LUZP2: variants seen among roughly 807,000 people sequenced by gnomAD.
LUZP2 encodes leucine zipper protein 2.
Under a neutral mutation model 51.6 loss-of-function variants are expected in LUZP2, and 52 were observed. The ratio of observed to expected loss-of-function variants is 1.01; its 90% confidence interval spans 0.81 to 1.27. The LOEUF (loss-of-function observed/expected upper bound fraction) is 1.27. Among genes scored for constraint, LUZP2 ranks in the 50% most tolerant of loss-of-function variants. LUZP2 has a pLI of 0.00. For missense variants in LUZP2, 436 were observed against 395.4 expected (o/e 1.10, Z -0.87); for synonymous variants, 154 against 137.3 (o/e 1.12, Z -0.85).
At chr11:24,721,008 C>G (rs771140005) in intron 1 of LUZP2, among the ~76,000 whole-genome samples, 2 of 152,152 alleles carry the variant, frequency 1.3e-5, no homozygotes, top group Non-Finnish European at 2.9e-5. Context: ...CTGAAAAAGC[C>G]TGAGTTGAAG....
chr11:24,587,506 A>G (rs544857765), intron 1 of LUZP2, among the ~76,000 whole-genome samples: 16 of 152,266 alleles, frequency 1.1e-4, no homozygotes, highest in Non-Finnish European at 1.8e-4. Context: ...AAAGTTTGTG[A>G]TCAGCCTATG....
intron 1 of LUZP2, among the ~76,000 whole-genome samples, chr11:24,551,045 A>G (rs1387986458): frequency 4.6e-5 from 7 of 152,104 alleles, no homozygotes; most frequent in Admixed American, 4.6e-4. Context: ...AAATTTATAC[A>G]TTTAGAAGAG....
chr11:24,747,906 GT>G (rs1859439236), intron 4 of LUZP2, among the ~76,000 whole-genome samples: 1 of 152,110 alleles, frequency 6.6e-6, no homozygotes, highest in African/African-American at 2.4e-5. Flanking sequence ...CTCCCACCGT[GT>G]CCCCTCTAAC....
intron 9 of LUZP2, among the ~76,000 whole-genome samples, chr11:25,014,199 A>G (rs1317373476): frequency 6.6e-6 from 1 of 152,190 alleles, no homozygotes; most frequent in Non-Finnish European, 1.5e-5. Context: ...GAATAGTGCC[A>G]CAATAAACAT....
chr11:24,701,412 T>A (rs1857417887), intron 1 of LUZP2: 1 of 167,318 alleles, frequency 6.0e-6, no homozygotes, highest in African/African-American at 2.4e-5. Context: ...GGATAAATCT[T>A]CAGACAAACG....
chr11:24,727,749 A>C lies in LUZP2; in HGVS notation c.63-1420A>C, dbSNP rs142960907. ...ACTACTGTTCATCAGTGAAATTCAC[A>C]AGGCCAGCGAGAATATTGTGGTTCT... is the stretch of plus-strand genomic sequence containing the variant. On this transcript the variant is annotated intron_variant, in intron 1 of 11. Transcript: ENST00000336930. Among the ~76,000 whole-genome samples the C allele has an allele frequency of 5.3e-5, 8 of 152,168 alleles. No homozygotes were observed. The East Asian group carries it at 1.5e-3, about 29-fold the overall frequency.
At chr11:24,689,641 G>T (rs1857006493) in intron 1 of LUZP2, among the ~76,000 whole-genome samples, 1 of 152,120 alleles carries the variant, frequency 6.6e-6, no homozygotes, top group East Asian at 1.9e-4. Context: ...GGACTCTTTT[G>T]TCTTGCTCAT....
intron 5 of LUZP2, among the ~76,000 whole-genome samples, chr11:24,873,778 T>C (rs755455476): frequency 5.3e-5 from 8 of 152,226 alleles, no homozygotes; most frequent in Non-Finnish European, 1.2e-4. Context: ...AAAAGCTGTG[T>C]GACATTGAAC....
At chr11:24,702,600 C>G (rs775044583) in intron 1 of LUZP2, among the ~76,000 whole-genome samples, 2 of 152,058 alleles carry the variant, frequency 1.3e-5, no homozygotes, top group African/African-American at 4.8e-5. Context: ...TTGAAACAAC[C>G]AAATTTTGAA....
chr11:24,881,709 A>C (rs1852475375), intron 5 of LUZP2, among the ~76,000 whole-genome samples: 1 of 152,084 alleles, frequency 6.6e-6, no homozygotes, highest in South Asian at 2.1e-4. Flanking sequence ...AATGGAATAA[A>C]GTGTTTGTTA....
chr11:24,589,997 A>C (rs1853203569), intron 1 of LUZP2, among the ~76,000 whole-genome samples: 2 of 152,104 alleles, frequency 1.3e-5, no homozygotes. Flanking sequence ...CAATATATGG[A>C]CTATTTTTTG....
At chr11:24,604,880 A>G (rs1408866979) in intron 1 of LUZP2, among the ~76,000 whole-genome samples, 1 of 151,840 alleles carries the variant, frequency 6.6e-6, no homozygotes, top group Non-Finnish European at 1.5e-5. Context: ...TTGGTGTGCT[A>G]TGTCTAATAT....
chr11:24,743,333 T>A (rs1382233898), intron 4 of LUZP2, among the ~76,000 whole-genome samples: 1 of 152,120 alleles, frequency 6.6e-6, no homozygotes, highest in Non-Finnish European at 1.5e-5. Flanking sequence ...ATGAGATATG[T>A]TTCCATTTGT....
At chr11:24,916,549 T>C (rs778419573) in intron 7 of LUZP2, among the ~76,000 whole-genome samples, 10 of 152,058 alleles carry the variant, frequency 6.6e-5, no homozygotes, top group Non-Finnish European at 8.8e-5. Flanking sequence ...ATGTTCTCAC[T>C]GTTCAGTTCC....
intron 1 of LUZP2, among the ~76,000 whole-genome samples, chr11:24,645,890 A>C (rs1855446891): frequency 6.6e-6 from 1 of 151,624 alleles, no homozygotes; most frequent in African/African-American, 2.4e-5. Flanking sequence ...TGTACATAAA[A>C]TCTCATTAGC....
At chr11:24,974,111 G>A (rs1482381079) in intron 7 of LUZP2, among the ~76,000 whole-genome samples, 3 of 151,998 alleles carry the variant, frequency 2.0e-5, no homozygotes, top group Non-Finnish European at 2.9e-5. Context: ...AATAATCTGG[G>A]TGCTCCTGTA....
At chr11:24,690,940 G>C (rs66693773) in intron 1 of LUZP2, among the ~76,000 whole-genome samples, 40,488 of 151,822 alleles carry the variant, frequency 0.27, 6,171 homozygotes, top group Middle Eastern at 0.37. Context: ...TGATAATTCA[G>C]TTTTCATCAA....
At chr11:24,920,812 A>G (rs1351978527) in intron 7 of LUZP2, among the ~76,000 whole-genome samples, 2 of 152,114 alleles carry the variant, frequency 1.3e-5, no homozygotes, top group Non-Finnish European at 2.9e-5. Context: ...GAAGGAAGGT[A>G]CTGGAAGATG....
chr11:24,973,363 AG>A (rs1855799822), intron 7 of LUZP2, among the ~76,000 whole-genome samples: 1 of 16,008 alleles, frequency 6.2e-5, no homozygotes, highest in African/African-American at 9.5e-5. Context: ...TATATTTATT[AG>A]TTTTTTTTTT....
Sources: gnomAD v4.1 joint callset for allele counts (sites outside exome capture counted in the v4.1 genomes callset) on GRCh38, gnomAD v4.1.1 for gene constraint, MANE v1.5 for transcripts, NCBI Gene and HGNC (gene_info 2026-07-23, HGNC 2026-07-21) for gene names.